Variants in GABRB3 observed in about 807,000 individuals in gnomAD.
GABRB3 encodes gamma-aminobutyric acid receptor subunit beta-3.
A neutral mutation model predicts 52.1 loss-of-function variants in GABRB3; 14 were observed. The observed-to-expected ratio is 0.27, with a 90% CI of 0.18 to 0.42. The LOEUF (loss-of-function observed/expected upper bound fraction) is 0.42. GABRB3 is among the 10% of genes least tolerant of loss of function. The pLI is 1.00. For synonymous variants in GABRB3, 260 were observed against 232.3 expected (o/e 1.12, Z -1.08); for missense variants, 307 against 609.1 (o/e 0.50, Z 5.22).
chr15:26,772,979 G>A lies in GABRB3; in HGVS notation c.-17C>T, dbSNP rs1595364114. 2.2e-6 allele frequency: 3 copies of A among 1,395,234 alleles called. No homozygotes were observed. Among genetic ancestry groups the A allele is most frequent in the Non-Finnish European group, 2.8e-6 (3 of 1,065,454 alleles). 86.4% of individuals were successfully genotyped at this position (1,395,234 alleles called of 1,614,324 possible). A position where few individuals can be genotyped will look rare whatever the true frequency, so the allele number is the denominator to read the frequency against. Reference sequence around the variant, plus strand: ...GCCCCACATCCCTCCGCCGCGCCCCGGCACGGGGGAGGGGGCGCCCCGCCG... The same window carrying A: ...GCCCCACATCCCTCCGCCGCGCCCCAGCACGGGGGAGGGGGCGCCCCGCCG... On this transcript the variant is annotated 5_prime_UTR_variant, in exon 1 of 9. Transcript: ENST00000311550.
chr15:26,652,614 A>C (rs934879035), intron 3 of GABRB3, among the ~76,000 whole-genome samples: 1 of 152,178 alleles, frequency 6.6e-6, no homozygotes. Context: ...GTATAAATAG[A>C]GGCCATAAAC....
chr15:26,772,284 G>T (rs1891169596), intron 3 of GABRB3, 118 bp downstream of exon 3: 1 of 886,152 alleles, frequency 1.1e-6, no homozygotes, highest in Non-Finnish European at 1.7e-6. Flanking sequence ...GGCTCCCTCT[G>T]CGGACCGGGG....
intron 4 of GABRB3, among the ~76,000 whole-genome samples, chr15:26,609,099 C>CAT (rs1891957554): frequency 1.4e-5 from 1 of 69,292 alleles, no homozygotes; most frequent in African/African-American, 5.4e-5. Context: ...CACACACACA[C>CAT]ACATACACAC....
chr15:26,579,853 G>A (rs929291960), intron 6 of GABRB3, among the ~76,000 whole-genome samples: 3 of 152,134 alleles, frequency 2.0e-5, no homozygotes, highest in Non-Finnish European at 4.4e-5. Context: ...CATGTCTAAT[G>A]GGGCAAGGCG....
At chr15:26,660,604 A>G (rs1202506033) in intron 3 of GABRB3, among the ~76,000 whole-genome samples, 1 of 152,214 alleles carries the variant, frequency 6.6e-6, no homozygotes, top group Non-Finnish European at 1.5e-5. Context: ...ACCACCACAC[A>G]GCAGCCAGAT....
At chr15:26,691,824 C>G (rs1000572124) in intron 3 of GABRB3, among the ~76,000 whole-genome samples, 2 of 152,272 alleles carry the variant, frequency 1.3e-5, no homozygotes, top group African/African-American at 4.8e-5. Context: ...CAATAATCTG[C>G]CCCACAACCC....
At chr15:26,687,387 C>A (rs529767266) in intron 3 of GABRB3, among the ~76,000 whole-genome samples, 1 of 152,154 alleles carries the variant, frequency 6.6e-6, no homozygotes, top group Non-Finnish European at 1.5e-5. Flanking sequence ...ACAGATGCAA[C>A]TGCCTAGATA....
intron 6 of GABRB3, among the ~76,000 whole-genome samples, chr15:26,578,329 C>T (rs570540760): frequency 1.9e-4 from 29 of 152,304 alleles, no homozygotes; most frequent in African/African-American, 6.7e-4. Flanking sequence ...TGATGTGGAG[C>T]TCTTGCGCTA....
intron 4 of GABRB3, among the ~76,000 whole-genome samples, chr15:26,606,816 A>ATATC (rs377212854): frequency 1.9e-3 from 106 of 57,262 alleles, no homozygotes; most frequent in East Asian, 4.9e-3. Flanking sequence ...ATAGATAGAT[A>ATATC]GATAGATAGA....
At chr15:26,761,606 T>C (rs1461436652) in intron 3 of GABRB3, among the ~76,000 whole-genome samples, 1 of 152,096 alleles carries the variant, frequency 6.6e-6, no homozygotes, top group Non-Finnish European at 1.5e-5. Flanking sequence ...TATAATAGAA[T>C]ATATTCAAAG....
At chr15:26,685,333 G>A (rs1888367939) in intron 3 of GABRB3, among the ~76,000 whole-genome samples, 1 of 152,204 alleles carries the variant, frequency 6.6e-6, no homozygotes, top group African/African-American at 2.4e-5. Flanking sequence ...AGAGGCTAAT[G>A]CATCCCCCTA....
rs796786196 is a variant in GABRB3 at position 26,615,798 on chromosome 15, T to C, written c.461+5516A>G. ...CCTACCAGTGTAGGCTACTGCTGGA[T>C]AGACAAGGTGAGAGCCAATCTCAGT... is the stretch of plus-strand genomic sequence containing the variant. On this transcript the variant is annotated intron_variant, in intron 4 of 8. Transcript: ENST00000311550. The C allele has an allele frequency of 5.1e-6, 6 of 1,181,116 alleles. No individual in the cohort carries two copies. In the African/African-American group the frequency reaches 6.4e-5, roughly 13 times the overall value. The allele number at this position is 1,181,116 out of a possible 1,614,324, so 73.2% of individuals were successfully genotyped here.
chr15:26,554,019 A>ATT lies in GABRB3; in HGVS notation c.1081-5887_1081-5886dup, dbSNP rs1481800191. Among the ~76,000 whole-genome samples the ATT allele has an allele frequency of 3.6e-3, 223 of 62,722 alleles. 15 individuals carry two copies. Among genetic ancestry groups the ATT allele is most frequent in the African/African-American group, 0.02 (215 of 10,874 alleles). 41.1% of individuals were successfully genotyped at this position (62,722 alleles called of 152,430 possible). On this transcript the variant is annotated intron_variant, in intron 8 of 8. Coordinates refer to ENST00000311550, the MANE Select transcript of GABRB3 (RefSeq NM_000814.6). The stretch of plus-strand genomic sequence containing the variant: ...CCTCCCGAGTAGCTGACACCTGACT[A>ATT]TTTATATATATATATATTTATTTAT...
chr15:26,724,444 C>T (rs989231538), intron 3 of GABRB3, among the ~76,000 whole-genome samples: 8 of 152,148 alleles, frequency 5.3e-5, no homozygotes, highest in Non-Finnish European at 1.2e-4. Context: ...AGGGGCTAAA[C>T]AGAAACCAGC....
At chr15:26,753,679 C>T (rs1397343002) in intron 3 of GABRB3, among the ~76,000 whole-genome samples, 1 of 152,154 alleles carries the variant, frequency 6.6e-6, no homozygotes, top group Non-Finnish European at 1.5e-5. Flanking sequence ...TTTCTATTTC[C>T]TATATGAAGA....
chr15:26,559,643 T>A (rs553685429), intron 8 of GABRB3, among the ~76,000 whole-genome samples: 125 of 152,352 alleles, frequency 8.2e-4, no homozygotes, highest in African/African-American at 2.9e-3. Context: ...ATTCAAATGT[T>A]GTTTATAATC....
At chr15:26,576,210 T>G (rs1171503353) in intron 6 of GABRB3, among the ~76,000 whole-genome samples, 5 of 152,228 alleles carry the variant, frequency 3.3e-5, no homozygotes, top group Non-Finnish European at 7.3e-5. Context: ...TGCAAGCGCT[T>G]TGCTCACGTT....
At chr15:26,709,515 C>CTTTTTTTTTTTTTT (rs57044167) in intron 3 of GABRB3, among the ~76,000 whole-genome samples, 7 of 92,000 alleles carry the variant, frequency 7.6e-5, no homozygotes, top group African/African-American at 1.9e-4. Context: ...TTTTTTCTTT[C>CTTTTTTTTTTTTTT]TTTTTTTTTT....
At chr15:26,634,587 C>A (rs8029251) in intron 3 of GABRB3, among the ~76,000 whole-genome samples, 22,168 of 151,880 alleles carry the variant, frequency 0.15, 1,748 homozygotes, top group African/African-American at 0.22. Flanking sequence ...GCATGCTTAC[C>A]CATGGTGTCT....
Sources: gnomAD v4.1 joint callset for allele counts (sites outside exome capture counted in the v4.1 genomes callset) on GRCh38, gnomAD v4.1.1 for gene constraint, MANE v1.5 for transcripts, NCBI Gene and HGNC (gene_info 2026-07-23, HGNC 2026-07-21) for gene names.